The following SUSD6 variants were observed in gnomAD, a reference collection of about 807,000 sequenced individuals.
SUSD6 encodes sushi domain containing 6.
A neutral mutation model predicts 28.4 loss-of-function variants in SUSD6; 16 were observed. The observed-to-expected ratio is 0.56, with a 90% CI of 0.38 to 0.86. The LOEUF is 0.86. Ranked by LOEUF, SUSD6 falls within the 40% of genes least tolerant of loss-of-function variation. The pLI is 0.00. For missense variants in SUSD6, 341 were observed against 384.2 expected, an observed-to-expected ratio of 0.89 and a Z score of 0.94; for synonymous variants, 147 against 159.6, an observed-to-expected ratio of 0.92 and a Z score of 0.59.
intron 1 of SUSD6, among the ~76,000 whole-genome samples, chr14:69,630,973 T>C (rs1645894560): frequency 6.6e-6 from 1 of 152,234 alleles, no homozygotes; most frequent in Non-Finnish European, 1.5e-5. Flanking sequence ...TGTCAACAGC[T>C]TTCTTAACAT....
intron 2 of SUSD6, among the ~76,000 whole-genome samples, chr14:69,682,072 C>G (rs1566602649): frequency 6.6e-6 from 1 of 152,108 alleles, no homozygotes; most frequent in Non-Finnish European, 1.5e-5. Context: ...GTGGTTCATG[C>G]TTTAATCCTA....
rs757494679 is a variant in SUSD6, at chr14:69,658,563, TC to T, written c.-29del. The T allele has an allele frequency of 2.5e-6, 4 of 1,612,440 alleles. No individual in the cohort carries two copies. The highest frequency in any genetic ancestry group is 3.4e-6 in the Non-Finnish European group (4 of 1,179,244). ...GGATTCTTCTGGATTTTAAATTTTT[TC>T]TTTTTAAAAAAACTTGGACGGATAA... On this transcript the variant is annotated 5_prime_UTR_variant, in exon 2 of 6. Coordinates refer to ENST00000342745, the MANE Select transcript of SUSD6 (RefSeq NM_014734.4).
At chr14:69,633,004 C>T (rs141387371) in intron 1 of SUSD6, among the ~76,000 whole-genome samples, 430 of 152,304 alleles carry the variant, frequency 2.8e-3, no homozygotes, top group African/African-American at 0.01. Flanking sequence ...CGGTTCTCCT[C>T]TCCGGTGAGA....
chr14:69,669,481 CAT>C (rs1358785622), intron 2 of SUSD6, among the ~76,000 whole-genome samples: 3 of 152,160 alleles, frequency 2.0e-5, no homozygotes, highest in Non-Finnish European at 4.4e-5. Context: ...TGGCTGTAAA[CAT>C]ATCCTGACAT....
chr14:69,645,922 G>A (rs1297908518), intron 1 of SUSD6, among the ~76,000 whole-genome samples: 1 of 152,104 alleles, frequency 6.6e-6, no homozygotes, highest in African/African-American at 2.4e-5. Flanking sequence ...GATAATTTTT[G>A]TATTTTTAGT....
chr14:69,662,818 A>C (rs1360166454), intron 2 of SUSD6, among the ~76,000 whole-genome samples: 1 of 152,176 alleles, frequency 6.6e-6, no homozygotes, highest in Non-Finnish European at 1.5e-5. Flanking sequence ...TCTTTTGCAA[A>C]ACAGAAACAA....
intron 2 of SUSD6, among the ~76,000 whole-genome samples, chr14:69,693,243 T>C (rs1886177504): frequency 6.6e-6 from 1 of 152,012 alleles, no homozygotes; most frequent in Admixed American, 6.6e-5. Flanking sequence ...AGGAGAATGG[T>C]CCTCTGGCCT....
In SUSD6 at chr14:69,645,562, C is replaced by G. The variant is rs140043500; in HGVS notation, c.-80-12951C>G. ...GAAGTGTTAGTTCAGAGAGACTTTC[C>G]ATGGAAGAGGTGGAGGGTGTCTCTG... On this transcript the variant is annotated intron_variant, in intron 1 of 5. Transcript: ENST00000342745. Among the ~76,000 whole-genome samples, 132 of 152,230 alleles carry G rather than the reference C, an allele frequency of 8.7e-4. 1 individual carries two copies. The South Asian group carries it at 0.015, about 17-fold the overall frequency.
Position 69,704,722 on chromosome 14 carries a change from GAA to G in SUSD6, c.439_440del (p.Lys147ValfsTer5). 1 of 1,614,110 alleles carries G rather than the reference GAA, an allele frequency of 6.2e-7. No homozygotes were observed. The highest frequency in any genetic ancestry group is 8.5e-7 in the Non-Finnish European group (1 of 1,180,004). On this transcript the variant is annotated frameshift_variant, in exon 4 of 6. Coordinates refer to ENST00000342745, the MANE Select transcript of SUSD6 (RefSeq NM_014734.4). LOFTEE classifies it high-confidence loss of function. Reference protein sequence around the residue: ...VLFVLLQPKLKSFHHSRRDQG... With the variant: ...VLFVLLQPKLXSFHHSRRDQG... ...TGTTTGTGCTGCTGCAGCCAAAGCTGAAGTCTTTCCATCATAGCAGGTGAGTC... is the reference window on the plus strand; with the variant it reads ...TGTTTGTGCTGCTGCAGCCAAAGCTGGTCTTTCCATCATAGCAGGTGAGTC...
chr14:69,644,908 T>C (rs1205230555), intron 1 of SUSD6, among the ~76,000 whole-genome samples: 1 of 152,132 alleles, frequency 6.6e-6, no homozygotes, highest in Non-Finnish European at 1.5e-5. Flanking sequence ...AGAGGGACTT[T>C]GTACAATTAG....
At chr14:69,686,612 A>G (rs1181283799) in intron 2 of SUSD6, among the ~76,000 whole-genome samples, 1 of 152,238 alleles carries the variant, frequency 6.6e-6, no homozygotes, top group Non-Finnish European at 1.5e-5. Flanking sequence ...CCTCCCAATC[A>G]TGGTGGAAGG....
Position 69,712,523 on chromosome 14 carries a change from G to A in SUSD6, c.*1544G>A, listed in dbSNP as rs1357340826. On this transcript the variant is annotated 3_prime_UTR_variant, in exon 6 of 6. Transcript: ENST00000342745. ...TGGGAAACTTCGAAGCGGACCCTGT[G>A]CTGCATGTCTGCTCCTCCCCTGAGC... The A allele has an allele frequency of 6.6e-6, 1 of 152,260 alleles. No individual in the cohort carries two copies. Among genetic ancestry groups the A allele is most frequent in the African/African-American group, 2.4e-5 (1 of 41,438 alleles). 9.4% of individuals were successfully genotyped at this position (152,260 alleles called of 1,614,324 possible).
At chr14:69,662,944 T>C (rs1429085577) in intron 2 of SUSD6, among the ~76,000 whole-genome samples, 3 of 152,232 alleles carry the variant, frequency 2.0e-5, no homozygotes, top group African/African-American at 2.4e-5. Flanking sequence ...AACAACAGAA[T>C]TGGTATGTGA....
chr14:69,675,118 G>A (rs1885888403), intron 2 of SUSD6, among the ~76,000 whole-genome samples: 1 of 151,836 alleles, frequency 6.6e-6, no homozygotes, highest in Non-Finnish European at 1.5e-5. Context: ...ATGGTTTGAA[G>A]ATGGTTTTAA....
chr14:69,699,395 G>A (rs527672252), intron 2 of SUSD6, among the ~76,000 whole-genome samples: 1 of 151,940 alleles, frequency 6.6e-6, no homozygotes, highest in Non-Finnish European at 1.5e-5. Flanking sequence ...GTAGAGATGG[G>A]GATTCACCGT....
intron 5 of SUSD6, among the ~76,000 whole-genome samples, chr14:69,709,558 A>G (rs531892231): frequency 6.6e-6 from 1 of 152,336 alleles, no homozygotes; most frequent in South Asian, 2.1e-4. Context: ...GTTTTCTTGC[A>G]CTATCTCAGT....
At chr14:69,678,401 A>G (rs1006152552) in intron 2 of SUSD6, among the ~76,000 whole-genome samples, 1 of 151,352 alleles carries the variant, frequency 6.6e-6, no homozygotes, top group African/African-American at 2.4e-5. Flanking sequence ...ATATGTTGCA[A>G]TTATTTGCAG....
chr14:69,612,217 T>C (rs138667587), intron 1 of SUSD6, among the ~76,000 whole-genome samples: 2,086 of 152,220 alleles, frequency 0.014, 20 homozygotes, highest in East Asian at 0.051. Flanking sequence ...AGAGGCCCTC[T>C]GTGCCACTGT....
At chr14:69,626,114 G>C (rs964977765) in intron 1 of SUSD6, among the ~76,000 whole-genome samples, 2 of 151,942 alleles carry the variant, frequency 1.3e-5, no homozygotes, top group Admixed American at 1.3e-4. Context: ...ATTTTGAGAG[G>C]GGGGAAAAAA....
Sources: gnomAD v4.1 joint callset for allele counts (sites outside exome capture counted in the v4.1 genomes callset) on GRCh38, gnomAD v4.1.1 for gene constraint, MANE v1.5 for transcripts, NCBI Gene and HGNC (gene_info 2026-07-23, HGNC 2026-07-21) for gene names.